Variants in FKBP5 observed in about 807,000 individuals in gnomAD.
The protein encoded by FKBP5 is FKBP prolyl isomerase 5, also known as peptidyl-prolyl cis-trans isomerase FKBP5.
FKBP5 carries 23 observed loss-of-function variants against 50.5 expected under a neutral mutation model. The observed-to-expected ratio is 0.46, with a 90% CI of 0.33 to 0.65. The LOEUF is 0.65. Among genes scored for constraint, FKBP5 ranks in the 30% least tolerant of loss-of-function variants. The pLI is 0.02. For missense variants in FKBP5, 411 were observed against 553.1 expected (o/e 0.74, Z 2.58); for synonymous variants, 176 against 190.6 (o/e 0.92, Z 0.63).
chr6:35,587,211 C>T, intron 7 of FKBP5, 94 bp from the exon 8 acceptor site: 2 of 1,127,540 alleles, frequency 1.8e-6, no homozygotes, highest in Non-Finnish European at 2.6e-6. Flanking sequence ...CTAGAAGATA[C>T]TCCAAACTGA....
intron 1 of FKBP5, among the ~76,000 whole-genome samples, chr6:35,653,162 G>A (rs2150995481): frequency 6.6e-6 from 1 of 152,198 alleles, no homozygotes; most frequent in South Asian, 2.1e-4. Flanking sequence ...ACCAGCCTGG[G>A]CAAGAAAGTA....
intron 3 of FKBP5, among the ~76,000 whole-genome samples, chr6:35,628,852 G>T (rs763235612): frequency 2.0e-5 from 3 of 152,060 alleles, no homozygotes; most frequent in Non-Finnish European, 4.4e-5. Flanking sequence ...CCAGTAGCTG[G>T]GATTATAGGC....
intron 1 of FKBP5, among the ~76,000 whole-genome samples, chr6:35,672,692 G>C (rs1446249212): frequency 1.3e-5 from 2 of 151,780 alleles, no homozygotes; most frequent in Non-Finnish European, 2.9e-5. Flanking sequence ...TTCGGAGGCT[G>C]AGGCGGGCGG....
At chr6:35,647,642 G>A (rs1764666872) in intron 1 of FKBP5, among the ~76,000 whole-genome samples, 1 of 152,234 alleles carries the variant, frequency 6.6e-6, no homozygotes, top group South Asian at 2.1e-4. Context: ...TGAGCTAGGG[G>A]AATGCACTGG....
chr6:35,707,215 CTT>C (rs34841223), intron 2 of FKBP5, among the ~76,000 whole-genome samples: 92 of 116,858 alleles, frequency 7.9e-4, no homozygotes, highest in African/African-American at 1.9e-3. Context: ...TATGAGAAGA[CTT>C]TTTTTTTTTT....
intron 3 of FKBP5, among the ~76,000 whole-genome samples, chr6:35,630,287 C>A (rs552465793): frequency 5.9e-5 from 9 of 152,182 alleles, no homozygotes; most frequent in South Asian, 4.2e-4. Flanking sequence ...CAGTGGCTCA[C>A]CCCTGTAATA....
intron 2 of FKBP5, among the ~76,000 whole-genome samples, chr6:35,641,514 A>G (rs549454947): frequency 6.6e-6 from 1 of 152,304 alleles, no homozygotes; most frequent in African/African-American, 2.4e-5. Context: ...GGCCATAGGA[A>G]CTTTTCGGCC....
chr6:35,597,123 C>A, intron 6 of FKBP5, 125 bp downstream of exon 6: 1 of 1,006,998 alleles, frequency 9.9e-7, no homozygotes, highest in South Asian at 1.4e-5. Flanking sequence ...CTAACTGCAG[C>A]CTGATTTAAT....
chr6:35,596,526 G>A (rs946918999), intron 6 of FKBP5, among the ~76,000 whole-genome samples: 7 of 152,152 alleles, frequency 4.6e-5, no homozygotes, highest in African/African-American at 1.7e-4. Context: ...AATCCATGGA[G>A]CCGGAGGGAG....
At chr6:35,613,543 C>T (rs903122638) in intron 5 of FKBP5, among the ~76,000 whole-genome samples, 4 of 152,182 alleles carry the variant, frequency 2.6e-5, no homozygotes, top group African/African-American at 9.6e-5. Flanking sequence ...TCTGGTTTCA[C>T]ATCTAAGTGT....
At position 35,642,783 on chromosome 6, in the gene FKBP5, G is replaced by A. The variant is rs1374471792; in HGVS notation, c.42C>T (p.Pro14=). The part of the protein sequence containing the change: ...DEGAKNNEES[P]TATVAEQGED... Reference sequence around the variant, plus strand: ...CTCCCTGCTCAGCAACAGTGGCTGTGGGGCTTTCTTCATTGTTCTTGGCAC... The same window carrying A: ...CTCCCTGCTCAGCAACAGTGGCTGTAGGGCTTTCTTCATTGTTCTTGGCAC... Residue 14 remains proline (P), a synonymous_variant, in exon 2 of 11, where the codon CCC becomes CCT. Coordinates refer to ENST00000357266, the MANE Select transcript of FKBP5 (RefSeq NM_004117.4). 6.2e-7 allele frequency: 1 copy of A among 1,613,912 alleles called. No individual in the cohort carries two copies. The highest frequency in any genetic ancestry group is 8.5e-7 in the Non-Finnish European group (1 of 1,179,960).
intron 1 of FKBP5, among the ~76,000 whole-genome samples, chr6:35,648,106 T>C (rs1004135788): frequency 1.4e-4 from 21 of 152,312 alleles, no homozygotes; most frequent in Admixed American, 1.2e-3. Context: ...CTGGATTTAA[T>C]TGGTCTGTGG....
chr6:35,691,448 G>C (rs1325336156), upstream of FKBP5, among the ~76,000 whole-genome samples: 1 of 152,238 alleles, frequency 6.6e-6, no homozygotes, highest in East Asian at 1.9e-4. Context: ...GCAGAGGGCT[G>C]TGTGGACGTG....
Position 35,587,122 on chromosome 6 carries a change from G to A in FKBP5, c.757-5C>T, listed in dbSNP as rs751418977. The A allele has an allele frequency of 1.2e-6, 2 of 1,613,490 alleles. No individual in the cohort carries two copies. Among genetic ancestry groups the A allele is most frequent in the Non-Finnish European group, 1.7e-6 (2 of 1,179,478 alleles). On this transcript the variant is annotated splice_region_variant and splice_polypyrimidine_tract_variant and intron_variant, in intron 7 of 10. Transcript: ENST00000357266. ...CATCTCCCAGGATTCTTTGGCCTGT[G>A]TGTAAATTTGTGACAATGGTTAGAT...
At chr6:35,726,948 G>A (rs535970928) in intron 1 of FKBP5, among the ~76,000 whole-genome samples, 1 of 152,292 alleles carries the variant, frequency 6.6e-6, no homozygotes, top group Non-Finnish European at 1.5e-5. Context: ...TAAACAGATC[G>A]CTAGAATATG....
intron 1 of FKBP5, among the ~76,000 whole-genome samples, chr6:35,656,859 T>C (rs1444574864): frequency 7.2e-6 from 1 of 138,550 alleles, no homozygotes. Context: ...ATCGTGCCAC[T>C]GCACTCCAGC....
chr6:35,584,624 C>A (rs1762545515), intron 8 of FKBP5: 1 of 985,462 alleles, frequency 1.0e-6, no homozygotes, highest in Non-Finnish European at 1.2e-6. Flanking sequence ...GCTAGGACTA[C>A]TGCTGGGATC....
intron 5 of FKBP5, among the ~76,000 whole-genome samples, chr6:35,616,649 T>C (rs763284402): frequency 2.1e-4 from 32 of 152,298 alleles, no homozygotes; most frequent in Non-Finnish European, 2.4e-4. Flanking sequence ...TCTGATTTAA[T>C]TTAGTCTGCT....
In FKBP5 at chr6:35,725,251, C is replaced by T. The variant is rs13192279; in HGVS notation, c.-241+3257G>A. 1.3e-4 allele frequency among the ~76,000 whole-genome samples: 20 copies of T among 152,208 alleles called. No individual in the cohort carries two copies. The East Asian group carries it at 3.5e-3, about 26-fold the overall frequency. On this transcript the variant is annotated intron_variant, in intron 1 of 11. Coordinates refer to the FKBP5 transcript ENST00000536438. ...GATGGGTAGATCCCCCTCCCTGCCGCGAGGCCCCCACCTCTGCCTCTGTTC... is the reference window on the plus strand; with the variant it reads ...GATGGGTAGATCCCCCTCCCTGCCGTGAGGCCCCCACCTCTGCCTCTGTTC...
Sources: allele counts gnomAD v4.1 joint callset (sites outside exome capture counted in the v4.1 genomes callset), GRCh38; gene constraint gnomAD v4.1.1; transcripts MANE v1.5; gene names NCBI Gene and HGNC (gene_info 2026-07-23, HGNC 2026-07-21).